MVD: variants seen among roughly 807,000 people sequenced by gnomAD.
MVD encodes diphosphomevalonate decarboxylase.
In MVD, 52 loss-of-function variants were observed where a neutral mutation model predicts 42.4. The ratio of observed to expected loss-of-function variants is 1.23; its 90% CI spans 0.98 to 1.55. MVD has a LOEUF of 1.55. MVD is among the 40% of genes most tolerant of loss of function. MVD has a pLI of 0.00. For missense variants in MVD, 663 were observed against 572.1 expected, an observed-to-expected ratio of 1.16 and a Z score of -1.62; for synonymous variants, 287 against 243.2, an observed-to-expected ratio of 1.18 and a Z score of -1.68.
intron 1 of MVD, among the ~76,000 whole-genome samples, chr16:88,661,858 T>C (rs1260902731): frequency 6.8e-6 from 1 of 147,762 alleles, no homozygotes; most frequent in South Asian, 2.1e-4. Context: ...AAAAAAAGTA[T>C]ATATATAATA....
chr16:88,656,497 T>C lies in MVD; in HGVS notation c.404-193A>G, dbSNP rs1597379589. The C allele has an allele frequency of 1.1e-5, 7 of 622,056 alleles. No individual in the cohort carries two copies. In the East Asian group the frequency reaches 1.9e-4, roughly 17 times the overall value. The allele number at this position is 622,056 out of a possible 1,614,324, so 38.5% of individuals were successfully genotyped here. The stretch of plus-strand genomic sequence containing the variant: ...TGTCCCCCACCTCCGCTAGTTCCAC[T>C]CTCGGACACTCTCTGTTCACGGCCT... On this transcript the variant is annotated intron_variant, in intron 4 of 9. Coordinates refer to ENST00000301012, the MANE Select transcript of MVD (RefSeq NM_002461.3).
chr16:88,656,485 C>T (rs996545444), intron 4 of MVD, 181 bp from the exon 5 acceptor site: 14 of 654,806 alleles, frequency 2.1e-5, no homozygotes, highest in East Asian at 8.2e-5. Context: ...CCCCCACCTC[C>T]GCTAGTTCCA....
chr16:88,659,444 G>T (rs1429413024), intron 1 of MVD: 1 of 152,934 alleles, frequency 6.5e-6, no homozygotes, highest in Admixed American at 6.5e-5. Context: ...CTGCTTTCAG[G>T]AAGGTGGGCC....
At chr16:88,661,343 C>G (rs1266279157) in intron 1 of MVD, among the ~76,000 whole-genome samples, 1 of 152,116 alleles carries the variant, frequency 6.6e-6, no homozygotes, top group Non-Finnish European at 1.5e-5. Flanking sequence ...GGAGACAATA[C>G]CTGCAAACCA....
At chr16:88,655,117 C>T in intron 7 of MVD, 82 bp downstream of exon 7, 8 of 1,472,080 alleles carry the variant, frequency 5.4e-6, no homozygotes, top group Non-Finnish European at 7.4e-6. Context: ...GCACGCGAGC[C>T]CCGGGGCCGT....
chr16:88,656,408 T>C (rs1907933739), intron 4 of MVD, 104 bp from the exon 5 acceptor site: 3 of 1,264,604 alleles, frequency 2.4e-6, no homozygotes, highest in African/African-American at 1.5e-5. Context: ...CAAATGGGGA[T>C]TTCCAGATGA....
Position 88,655,894 on chromosome 16 carries a change from C to T in MVD, c.604-164G>A, listed in dbSNP as rs1449898231. 4.5e-6 allele frequency: 5 copies of T among 1,106,706 alleles called. No individual in the cohort carries two copies. In the South Asian group the frequency reaches 7.9e-5, roughly 17 times the overall value. The allele number at this position is 1,106,706 out of a possible 1,614,324, so 68.6% of individuals were successfully genotyped here. ...CCTCCCGGCCACAGCAGGGGTGACG[C>T]AGGGGCAACTTCCAGATCCCAGCGG... is the stretch of plus-strand genomic sequence containing the variant. On this transcript the variant is annotated intron_variant, in intron 5 of 9. Coordinates refer to ENST00000301012, the MANE Select transcript of MVD (RefSeq NM_002461.3).
In MVD at chr16:88,653,381, C is replaced by T. The variant is rs751509465; in HGVS notation, c.1041G>A (p.Pro347=). The change falls in exon 9 of 10, where the codon CCG becomes CCA. Residue 347 remains proline, a synonymous_variant. Transcript: ENST00000301012. ...DTFLKGLQVR[P]APLSAELQAA... ...CCTGAAGCTCAGCTGAGAGAGGGGC[C>T]GGCCTCACCTGCAGCCCCTTCAGAA... The T allele has an allele frequency of 7.5e-6, 12 of 1,601,406 alleles. No individual in the cohort carries two copies. In the African/African-American group the frequency reaches 8.1e-5, roughly 11 times the overall value.
Position 88,656,121 on chromosome 16 carries a change from C to G in MVD, c.587G>C (p.Arg196Pro), listed in dbSNP as rs371444942. 2 of 1,601,106 alleles carry G rather than the reference C, an allele frequency of 1.2e-6. No homozygotes were observed. Among genetic ancestry groups the G allele is most frequent in the Non-Finnish European group, 1.7e-6 (2 of 1,179,744 alleles). ...CCCACTCACCACAAGGATGAGCACG[C>G]GGAGTTCAGGCCAGTGTGACTCGGG... ...VAPESHWPEL[R>P]VLILVVSAEK... The change falls in exon 5 of 10, where the codon CGC becomes CCC. Residue 196 changes from arginine (R) to proline (P), a missense_variant. Physicochemically the swap from Arg to Pro is moderately radical, Grantham distance 103 (BLOSUM62 -2). Coordinates refer to ENST00000301012, the MANE Select transcript of MVD (RefSeq NM_002461.3).
At chr16:88,656,385 C>A in intron 4 of MVD, 81 bp from the exon 5 acceptor site, 1 of 1,448,448 alleles carries the variant, frequency 6.9e-7, no homozygotes, top group Non-Finnish European at 9.5e-7. Flanking sequence ...CAGGAACGTC[C>A]CACACCCCAC....
intron 1 of MVD, among the ~76,000 whole-genome samples, chr16:88,661,399 T>C (rs560686658): frequency 2.5e-4 from 38 of 152,262 alleles, no homozygotes; most frequent in Non-Finnish European, 5.0e-4. Context: ...TTTTATTTTT[T>C]TTCAGTAGAG....
intron 4 of MVD, 99 bp from the exon 5 acceptor site, chr16:88,656,403 G>A: frequency 1.5e-6 from 2 of 1,321,112 alleles, no homozygotes; most frequent in South Asian, 1.2e-5. Flanking sequence ...CACGGCAAAT[G>A]GGGATTTCCA....
At chr16:88,653,210 C>T (rs1458902653) in intron 9 of MVD, 90 bp downstream of exon 9, 24 of 991,568 alleles carry the variant, frequency 2.4e-5, no homozygotes, top group African/African-American at 5.0e-5. Context: ...GACAGGGAGC[C>T]GCGCTTAGCC....
chr16:88,658,058 A>G lies in MVD; in HGVS notation c.142-29T>C, dbSNP rs756843054. 1.6e-5 allele frequency: 26 copies of G among 1,601,752 alleles called. 1 individual carries two copies. The African/African-American group carries it at 2.9e-4, about 18-fold the overall frequency. ...AAAAGGAAACCCAGGGCCACCTCAG[A>G]GGCCAGCATTGAGGACCGATGCCAG... On this transcript the variant is annotated intron_variant, in intron 2 of 9. Transcript: ENST00000301012.
Position 88,655,549 on chromosome 16 carries a change from G to A in MVD, c.678+107C>T, listed in dbSNP as rs933192269. ...TTTGGCTCCTGCACGTGGTCTTGGC[G>A]GGGCTGCCGCAGGTGTGAGAACACT... On this transcript the variant is annotated intron_variant, in intron 6 of 9. Coordinates refer to ENST00000301012, the MANE Select transcript of MVD (RefSeq NM_002461.3). 1.5e-5 allele frequency: 23 copies of A among 1,512,314 alleles called. No homozygotes were observed. The Admixed American group carries it at 2.4e-4, about 16-fold the overall frequency. The allele number at this position is 1,512,314 out of a possible 1,614,324, so 93.7% of individuals were successfully genotyped here.
rs201991933 is a variant in MVD, at chr16:88,663,020, T to G, written c.61A>C (p.Ile21Leu). The G allele has an allele frequency of 1.7e-5, 28 of 1,606,696 alleles. No homozygotes were observed. The highest frequency in any genetic ancestry group is 2.4e-5 in the Non-Finnish European group (28 of 1,177,344). ...GGCCCGCGGCACTCACAGTACTTGATGACCGCGATGTTGACCGGCGCTGTA... is the reference window on the plus strand; with the variant it reads ...GGCCCGCGGCACTCACAGTACTTGAGGACCGCGATGTTGACCGGCGCTGTA... ...TCTAPVNIAV[I>L]KYWGKRDEEL... The change falls in exon 1 of 10, where the codon ATC (isoleucine) becomes CTC (leucine). Residue 21 changes from isoleucine to leucine, a missense_variant. Physicochemically the swap from Ile to Leu is conservative, Grantham distance 5. Coordinates refer to ENST00000301012, the MANE Select transcript of MVD (RefSeq NM_002461.3).
chr16:88,659,875 G>C (rs1437866720), intron 1 of MVD, among the ~76,000 whole-genome samples: 2 of 151,562 alleles, frequency 1.3e-5, no homozygotes, highest in Non-Finnish European at 2.9e-5. Flanking sequence ...GCTGAGGCGG[G>C]AAAATCGCTT....
At chr16:88,658,971 G>C (rs1363018453) in intron 1 of MVD, 1 of 508,460 alleles carries the variant, frequency 2.0e-6, no homozygotes, top group Admixed American at 3.2e-5. Context: ...TTCCTTCATC[G>C]CTTCTACTCC....
Position 88,663,066 on chromosome 16 carries a change from C to A in MVD, c.15G>T (p.Lys5Asn). The change falls in exon 1 of 10, where the codon AAG (lysine) becomes AAT (asparagine). Residue 5 changes from lysine to asparagine, a missense_variant. By Grantham distance (94) the Lys-to-Asn change is moderately conservative (BLOSUM62 0). Transcript: ENST00000301012. MASE[K>N]PLAAVTCTAP... Reference sequence around the variant, plus strand: ...CTGTACAAGTGACTGCCGCCAGCGGCTTCTCCGAGGCCATGGTCCCACCGC... The same window carrying A: ...CTGTACAAGTGACTGCCGCCAGCGGATTCTCCGAGGCCATGGTCCCACCGC... 1 of 1,609,978 alleles carries A rather than the reference C, an allele frequency of 6.2e-7. No homozygotes were observed. The highest frequency in any genetic ancestry group is 8.5e-7 in the Non-Finnish European group (1 of 1,178,858).
Sources: allele counts gnomAD v4.1 joint callset (sites outside exome capture counted in the v4.1 genomes callset), GRCh38; gene constraint gnomAD v4.1.1; transcripts MANE v1.5; gene names NCBI Gene and HGNC (gene_info 2026-07-23, HGNC 2026-07-21).